Variants in PHLPP1 observed in about 807,000 individuals in gnomAD.
PHLPP1 encodes the protein PH domain and leucine rich repeat protein phosphatase 1, also known as PH domain leucine-rich repeat-containing protein phosphatase 1.
PHLPP1 carries 42 observed loss-of-function variants against 117.2 expected under a neutral mutation model. The observed-to-expected ratio is 0.36, with a 90% CI of 0.28 to 0.46. PHLPP1 has a LOEUF of 0.46. Ranked by LOEUF, PHLPP1 falls within the 20% of genes least tolerant of loss-of-function variation. The probability of loss-of-function intolerance (pLI) is 1.00; values close to 1 mark genes in which losing one functional copy is unlikely to be tolerated. For missense variants in PHLPP1, 2,084 were observed against 2,241.9 expected, an observed-to-expected ratio of 0.93 and a Z score of 1.42; for synonymous variants, 1,042 against 970.7, an observed-to-expected ratio of 1.07 and a Z score of -1.37.
At chr18:62,848,002 C>A (rs1338788744) in intron 3 of PHLPP1, among the ~76,000 whole-genome samples, 1 of 152,238 alleles carries the variant, frequency 6.6e-6, no homozygotes, top group African/African-American at 2.4e-5. Flanking sequence ...CCTGTCTGCT[C>A]CTTAGCAGTC....
At chr18:62,821,157 T>C (rs187459095) in intron 1 of PHLPP1, among the ~76,000 whole-genome samples, 10 of 152,242 alleles carry the variant, frequency 6.6e-5, no homozygotes, top group Non-Finnish European at 1.5e-5. Context: ...ATGGACCTAG[T>C]GCGTTGGCTC....
At position 62,811,544 on chromosome 18, in the gene PHLPP1, C is replaced by CTT. The variant is rs11389810; in HGVS notation, c.1577-18478_1577-18477dup. 1.5e-3 allele frequency among the ~76,000 whole-genome samples: 212 copies of CTT among 138,288 alleles called. 1 individual carries two copies. The highest frequency in any genetic ancestry group is 5.0e-3 in the African/African-American group (195 of 38,842). The allele number at this position is 138,288 out of a possible 152,430, so 90.7% of individuals were successfully genotyped here. ...TAGGATTATGGTTATGTTGTTGTGT[C>CTT]TTTTTTTTTTTTTTAACTTCCTTTT... On this transcript the variant is annotated intron_variant, in intron 1 of 16. Transcript: ENST00000262719.
intron 1 of PHLPP1, among the ~76,000 whole-genome samples, chr18:62,792,761 GA>G (rs943754380): frequency 1.3e-5 from 2 of 151,504 alleles, no homozygotes; most frequent in Non-Finnish European, 2.9e-5. Context: ...AGCTACTTGG[GA>G]GGCCAAGGTG....
chr18:62,933,521 ACT>A (rs1387413296), intron 10 of PHLPP1, among the ~76,000 whole-genome samples: 5 of 152,140 alleles, frequency 3.3e-5, no homozygotes, highest in East Asian at 1.9e-4. Flanking sequence ...AGGAAAGGAC[ACT>A]CTATTCAGTA....
chr18:62,940,513 C>T (rs930424865), intron 10 of PHLPP1, among the ~76,000 whole-genome samples: 13 of 151,454 alleles, frequency 8.6e-5, no homozygotes, highest in Non-Finnish European at 1.5e-4. Flanking sequence ...TGCAGGCGCC[C>T]GCCACCACAC....
chr18:62,876,968 G>T (rs1916064009), intron 4 of PHLPP1, among the ~76,000 whole-genome samples: 1 of 152,196 alleles, frequency 6.6e-6, no homozygotes, highest in South Asian at 2.1e-4. Flanking sequence ...ATGCGAGAAA[G>T]AGGGAAAGAG....
intron 12 of PHLPP1, 147 bp downstream of exon 12, chr18:62,945,418 A>C: frequency 1.7e-6 from 1 of 604,210 alleles, no homozygotes; most frequent in Non-Finnish European, 2.7e-6. Context: ...TTCCTAACCA[A>C]TGGGCTACAC....
intron 11 of PHLPP1, among the ~76,000 whole-genome samples, chr18:62,944,711 A>G (rs186219060): frequency 4.0e-4 from 61 of 152,340 alleles, no homozygotes; most frequent in African/African-American, 1.4e-3. Flanking sequence ...CAGTGCCACT[A>G]CAAAGAAATC....
chr18:62,972,039 A>G (rs1365009522), intron 14 of PHLPP1, among the ~76,000 whole-genome samples: 3 of 152,220 alleles, frequency 2.0e-5, no homozygotes, highest in Non-Finnish European at 2.9e-5. Context: ...CTGTCTCAAA[A>G]AAAAATAAAA....
intron 1 of PHLPP1, among the ~76,000 whole-genome samples, chr18:62,816,617 A>T (rs1373908808): frequency 6.6e-6 from 1 of 152,146 alleles, no homozygotes; most frequent in Non-Finnish European, 1.5e-5. Context: ...TATTTTTCTA[A>T]AACTTTATGC....
intron 12 of PHLPP1, among the ~76,000 whole-genome samples, chr18:62,946,665 G>T (rs1910294813): frequency 6.6e-6 from 1 of 152,226 alleles, no homozygotes; most frequent in African/African-American, 2.4e-5. Flanking sequence ...GCGCACGCAT[G>T]TGCACGTATG....
intron 4 of PHLPP1, among the ~76,000 whole-genome samples, chr18:62,880,279 A>G (rs1311345845): frequency 1.3e-5 from 2 of 152,062 alleles, no homozygotes; most frequent in Non-Finnish European, 2.9e-5. Context: ...GCTACTGTCT[A>G]AGGACATTTT....
intron 1 of PHLPP1, among the ~76,000 whole-genome samples, chr18:62,770,742 G>C (rs1044234442): frequency 6.6e-6 from 1 of 151,442 alleles, no homozygotes; most frequent in Non-Finnish European, 1.5e-5. Flanking sequence ...AATTTTTTTG[G>C]GGGGGGTGGG....
chr18:62,748,571 T>C (rs1911749376), intron 1 of PHLPP1, among the ~76,000 whole-genome samples: 1 of 152,234 alleles, frequency 6.6e-6, no homozygotes, highest in Non-Finnish European at 1.5e-5. Context: ...TATATTCTTC[T>C]TGTTGGTGGA....
chr18:62,836,114 C>T (rs1675032487), intron 2 of PHLPP1, among the ~76,000 whole-genome samples: 1 of 151,622 alleles, frequency 6.6e-6, no homozygotes, highest in South Asian at 2.1e-4. Flanking sequence ...TTTTAAATTA[C>T]TGGGTTTTCT....
intron 1 of PHLPP1, among the ~76,000 whole-genome samples, chr18:62,798,536 A>G (rs533906530): frequency 1.3e-4 from 20 of 152,366 alleles, no homozygotes; most frequent in Non-Finnish European, 2.2e-4. Flanking sequence ...ATATTAAATT[A>G]CTAAGAAAAG....
At chr18:62,931,956 G>A (rs987133755) in intron 10 of PHLPP1, among the ~76,000 whole-genome samples, 42 of 148,948 alleles carry the variant, frequency 2.8e-4, no homozygotes, top group African/African-American at 9.9e-4. Context: ...TGATAGCACA[G>A]AAACAGAAAA....
chr18:62,899,472 T>C (rs1916659949), intron 6 of PHLPP1, among the ~76,000 whole-genome samples: 1 of 152,224 alleles, frequency 6.6e-6, no homozygotes, highest in Non-Finnish European at 1.5e-5. Flanking sequence ...TTCTGCCTAC[T>C]CTTGGGAATC....
intron 4 of PHLPP1, among the ~76,000 whole-genome samples, chr18:62,888,834 T>C (rs967223399): frequency 6.6e-6 from 1 of 152,244 alleles, no homozygotes; most frequent in African/African-American, 2.4e-5. Context: ...GGCTGTCTCC[T>C]TTGCATTCTT....
Sources: allele counts gnomAD v4.1 joint callset (sites outside exome capture counted in the v4.1 genomes callset), GRCh38; gene constraint gnomAD v4.1.1; transcripts MANE v1.5; gene names NCBI Gene and HGNC (gene_info 2026-07-23, HGNC 2026-07-21).